The following CLPTM1 variants were observed in gnomAD, a reference collection of about 807,000 sequenced individuals.
CLPTM1 encodes putative lipid scramblase CLPTM1.
CLPTM1 carries 21 observed loss-of-function variants against 77.3 expected under a neutral mutation model. The observed-to-expected ratio is 0.27, with a 90% CI of 0.19 to 0.39. CLPTM1 has a LOEUF of 0.39. CLPTM1 is among the 10% of genes least tolerant of loss of function. CLPTM1 has a pLI of 1.00. For missense variants in CLPTM1, 642 were observed against 921.2 expected (o/e 0.70, Z 3.92); for synonymous variants, 373 against 381.0 (o/e 0.98, Z 0.24).
chr19:44,983,417 G>A (rs1295688103), intron 5 of CLPTM1, among the ~76,000 whole-genome samples: 1 of 151,292 alleles, frequency 6.6e-6, no homozygotes, highest in Non-Finnish European at 1.5e-5. Context: ...CCAGGAGATT[G>A]AGACCAGCCT....
chr19:44,977,556 G>A, intron 5 of CLPTM1, 96 bp downstream of exon 5: 7 of 952,500 alleles, frequency 7.3e-6, no homozygotes, highest in Non-Finnish European at 9.9e-6. Context: ...AAGTCCAGGA[G>A]GGCAGGCAGG....
At chr19:44,982,774 A>G (rs1310975071) in intron 5 of CLPTM1, among the ~76,000 whole-genome samples, 1 of 152,200 alleles carries the variant, frequency 6.6e-6, no homozygotes, top group Non-Finnish European at 1.5e-5. Flanking sequence ...AATCATAGAA[A>G]TGATGAGGAT....
chr19:44,962,197 TC>T, intron 2 of CLPTM1, 122 bp downstream of exon 2: 1 of 473,602 alleles, frequency 2.1e-6, no homozygotes. Context: ...TTGCTTTTTT[TC>T]TTTTTTTTTT....
chr19:44,966,665 C>T (rs561965869), intron 2 of CLPTM1, among the ~76,000 whole-genome samples: 3,302 of 6,426 alleles, frequency 0.51, 132 homozygotes, highest in African/African-American at 0.52. Context: ...ACCTCACAGA[C>T]AGGGAATCTT....
intron 2 of CLPTM1, 24 bp downstream of exon 2, chr19:44,962,099 G>A (rs1394184688): frequency 3.5e-6 from 5 of 1,417,018 alleles, no homozygotes; most frequent in Non-Finnish European, 4.8e-6. Context: ...ACTTGGGTTT[G>A]TTCACCGAAA....
chr19:44,977,563 C>A, intron 5 of CLPTM1, 103 bp downstream of exon 5: 3 of 901,868 alleles, frequency 3.3e-6, no homozygotes, highest in Non-Finnish European at 5.3e-6. Flanking sequence ...GGAGGGCAGG[C>A]AGGAAGCCTG....
intron 2 of CLPTM1, among the ~76,000 whole-genome samples, chr19:44,964,199 A>T (rs1181920076): frequency 2.0e-5 from 3 of 151,660 alleles, no homozygotes; most frequent in Non-Finnish European, 4.4e-5. Context: ...GTGGTACTGA[A>T]GGTTGAGACT....
chr19:44,982,868 C>T (rs1970920143), intron 5 of CLPTM1, among the ~76,000 whole-genome samples: 1 of 152,124 alleles, frequency 6.6e-6, no homozygotes, highest in Non-Finnish European at 1.5e-5. Context: ...TTGAGACCAG[C>T]CTGGCCAACA....
chr19:44,988,115 G>A lies in CLPTM1; in HGVS notation c.1074G>A (p.Ala358=), dbSNP rs563713721. The change falls in exon 9 of 14, where the codon GCG becomes GCA. Residue 358 remains alanine (A), a synonymous_variant. Coordinates refer to ENST00000337392, the MANE Select transcript of CLPTM1 (RefSeq NM_001294.4). ...TGGAGACCAACCCCTACCTGCTGGC[G>A]CTCACCATCATCGTGTCTATCGTTC... ...ALLETNPYLL[A]LTIIVSIVHS... 2.8e-5 allele frequency: 45 copies of A among 1,614,086 alleles called. No homozygotes were observed. In the Admixed American group the frequency reaches 5.5e-4, roughly 20 times the overall value.
rs758976410 is a variant in CLPTM1, at chr19:44,988,062, C to T, written c.1039-18C>T. ...CTCCTGGGTGGGGACAGGCTGTGCT[C>T]ACATGTGTCCCCTGCAGGTGGCCCT... On this transcript the variant is annotated intron_variant, in intron 8 of 13. Coordinates refer to ENST00000337392, the MANE Select transcript of CLPTM1 (RefSeq NM_001294.4). The T allele has an allele frequency of 3.2e-6, 5 of 1,582,946 alleles. No homozygotes were observed. The highest frequency in any genetic ancestry group is 1.7e-5 in the Admixed American group (1 of 59,950).
chr19:44,975,393 A>C (rs372851152), intron 4 of CLPTM1, among the ~76,000 whole-genome samples: 1 of 152,216 alleles, frequency 6.6e-6, no homozygotes, highest in Non-Finnish European at 1.5e-5. Context: ...TTGAACAAGT[A>C]AAAGGGACAT....
At chr19:44,955,232 C>A (rs1970439926), upstream of CLPTM1, 1 of 1,504,996 alleles carries the variant, frequency 6.6e-7, no homozygotes, top group South Asian at 1.3e-5. Context: ...CCAGGTTGGT[C>A]CTTCCATAGC....
In CLPTM1 at chr19:44,980,524, A is replaced by T. The variant is rs1005532672; in HGVS notation, c.586+3064A>T. On this transcript the variant is annotated intron_variant, in intron 5 of 13. Coordinates refer to ENST00000337392, the MANE Select transcript of CLPTM1 (RefSeq NM_001294.4). ...ACTCCATCTCAAAAAAAAAAAAAAA[A>T]AAAGAAAAGAAAAGCCCCTTTTATC... Among the ~76,000 whole-genome samples the T allele has an allele frequency of 3.3e-5, 5 of 150,810 alleles. No individual in the cohort carries two copies. The South Asian group carries it at 6.2e-4, about 19-fold the overall frequency.
At chr19:44,966,140 G>A (rs1192685709) in intron 2 of CLPTM1, among the ~76,000 whole-genome samples, 1 of 152,206 alleles carries the variant, frequency 6.6e-6, no homozygotes, top group Admixed American at 6.5e-5. Flanking sequence ...GGCCGGGCGC[G>A]GTGGCTCACG....
intron 1 of CLPTM1, among the ~76,000 whole-genome samples, chr19:44,961,247 G>A (rs1457908886): frequency 6.6e-6 from 1 of 152,218 alleles, no homozygotes; most frequent in Non-Finnish European, 1.5e-5. Flanking sequence ...GCTTATGGTA[G>A]CAGCTGATAG....
In CLPTM1 at chr19:44,962,094, G is replaced by A. The variant is rs767882427; in HGVS notation, c.185+19G>A. 1 of 1,466,616 alleles carries A rather than the reference G, an allele frequency of 6.8e-7. No homozygotes were observed. Among genetic ancestry groups the A allele is most frequent in the Non-Finnish European group, 9.2e-7 (1 of 1,083,062 alleles). 90.9% of individuals were successfully genotyped at this position (1,466,616 alleles called of 1,614,324 possible). ...TGTTTAGGTGAGCAGACGGGACTTGGGTTTGTTCACCGAAAACATTCAAAT... is the reference window on the plus strand; with the variant it reads ...TGTTTAGGTGAGCAGACGGGACTTGAGTTTGTTCACCGAAAACATTCAAAT... On this transcript the variant is annotated intron_variant, in intron 2 of 13. Transcript: ENST00000337392.
chr19:44,970,900 G>A (rs1360851219), intron 2 of CLPTM1, among the ~76,000 whole-genome samples: 4 of 143,528 alleles, frequency 2.8e-5, no homozygotes, highest in Non-Finnish European at 1.5e-5. Flanking sequence ...GCACGATCTC[G>A]GTTCACTGCA....
At chr19:44,963,595 G>A (rs1409451529) in intron 2 of CLPTM1, among the ~76,000 whole-genome samples, 1 of 151,482 alleles carries the variant, frequency 6.6e-6, no homozygotes. Flanking sequence ...AAAGTGCTGC[G>A]ATTACAGGTG....
chr19:44,960,642 A>G (rs1970530148), intron 1 of CLPTM1, among the ~76,000 whole-genome samples: 1 of 152,170 alleles, frequency 6.6e-6, no homozygotes, highest in Non-Finnish European at 1.5e-5. Flanking sequence ...CTCCTGGGAC[A>G]TTTGCTATCT....
Sources: gnomAD v4.1 joint callset for allele counts (sites outside exome capture counted in the v4.1 genomes callset) on GRCh38, gnomAD v4.1.1 for gene constraint, MANE v1.5 for transcripts, NCBI Gene and HGNC (gene_info 2026-07-23, HGNC 2026-07-21) for gene names.